Variants in RNLS observed in about 807,000 individuals in gnomAD.
RNLS encodes renalase, FAD dependent amine oxidase, also known as renalase.
RNLS carries 39 observed loss-of-function variants against 39.8 expected under a neutral mutation model. That is an observed-to-expected ratio of 0.98 (90% confidence interval 0.76 to 1.28). RNLS has a LOEUF of 1.28. Among genes scored for constraint, RNLS ranks in the 50% most tolerant of loss-of-function variants. The pLI is 0.00. For synonymous variants in RNLS, 147 were observed against 150.7 expected (o/e 0.98, Z 0.18); for missense variants, 410 against 413.3 (o/e 0.99, Z 0.07).
chr10:88,510,777 G>A (rs997532611), intron 4 of RNLS, among the ~76,000 whole-genome samples: 7 of 151,232 alleles, frequency 4.6e-5, no homozygotes, highest in African/African-American at 1.7e-4. Context: ...AACCCAGAAG[G>A]CAGAGGTTAC....
At chr10:88,191,717 A>G in the RNLS span, among the ~76,000 whole-genome samples, 5 of 152,194 alleles carry the variant, frequency 3.3e-5, no homozygotes, top group African/African-American at 1.2e-4. Context: ...GCTACTCTCA[A>G]TCTTCAAAAT....
At chr10:88,343,507 A>G (rs1415317153) in intron 5 of RNLS, 1 of 913,794 alleles carries the variant, frequency 1.1e-6, no homozygotes, top group Non-Finnish European at 1.3e-6. Context: ...TGATCTTAAC[A>G]TATATATATA....
chr10:88,374,321 T>G (rs989001181), intron 4 of RNLS, among the ~76,000 whole-genome samples: 18 of 152,110 alleles, frequency 1.2e-4, no homozygotes, highest in African/African-American at 4.3e-4. Context: ...AAAGTTCTCC[T>G]TATTAACAAG....
the RNLS span, among the ~76,000 whole-genome samples, chr10:88,174,805 A>T: frequency 0.16 from 24,232 of 152,146 alleles, 2,162 homozygotes; most frequent in Non-Finnish European, 0.2. Flanking sequence ...CTCCTCTTAA[A>T]TTTTTTGGAA....
At chr10:88,296,770 A>G (rs1471201139) in intron 6 of RNLS, among the ~76,000 whole-genome samples, 1 of 152,190 alleles carries the variant, frequency 6.6e-6, no homozygotes, top group African/African-American at 2.4e-5. Context: ...TAGAAATAAC[A>G]GAGAACATTT....
At chr10:88,449,179 A>G (rs1307461454) in intron 4 of RNLS, among the ~76,000 whole-genome samples, 1 of 152,156 alleles carries the variant, frequency 6.6e-6, no homozygotes, top group Non-Finnish European at 1.5e-5. Context: ...ACAAAAAAAC[A>G]CAATGTTTAA....
chr10:88,188,495 A>G, the RNLS span, among the ~76,000 whole-genome samples: 1 of 152,214 alleles, frequency 6.6e-6, no homozygotes, highest in African/African-American at 2.4e-5. Flanking sequence ...CTATTATACT[A>G]CAGGTGATTG....
At chr10:88,348,872 T>C (rs547646462) in intron 5 of RNLS, among the ~76,000 whole-genome samples, 1 of 152,278 alleles carries the variant, frequency 6.6e-6, no homozygotes, top group South Asian at 2.1e-4. Flanking sequence ...CTTCCTGGTT[T>C]TGATCATGAG....
At chr10:88,280,097 C>CCCTCT (rs1040475528), downstream of RNLS, among the ~76,000 whole-genome samples, 1 of 152,098 alleles carries the variant, frequency 6.6e-6, no homozygotes, top group Admixed American at 6.5e-5. Flanking sequence ...ACTCTTCCTC[C>CCCTCT]CCTCTCCTCT....
intron 4 of RNLS, among the ~76,000 whole-genome samples, chr10:88,547,860 G>A (rs1848396629): frequency 6.6e-6 from 1 of 151,944 alleles, no homozygotes; most frequent in African/African-American, 2.4e-5. Flanking sequence ...TGCATACATA[G>A]ATCAAAACAT....
At chr10:88,368,304 T>C (rs1331935176) in intron 4 of RNLS, among the ~76,000 whole-genome samples, 1 of 152,062 alleles carries the variant, frequency 6.6e-6, no homozygotes, top group Non-Finnish European at 1.5e-5. Flanking sequence ...GAAATTACAA[T>C]ATAAAAATAA....
In RNLS at chr10:88,411,522, G is replaced by GT. The variant is rs796642062; in HGVS notation, c.527-48798dup. Among the ~76,000 whole-genome samples the GT allele has an allele frequency of 9.9e-3, 1,405 of 142,124 alleles. 16 individuals are homozygous for GT. Among genetic ancestry groups the GT allele is most frequent in the African/African-American group, 0.029 (1,125 of 39,148 alleles). The allele number at this position is 142,124 out of a possible 152,430, so 93.2% of individuals were successfully genotyped here. ...TGGACTGACTTAAGCCCCATCTTCT[G>GT]TTTTTTTTTTTTCCACTTTTCCAAT... is the stretch of plus-strand genomic sequence containing the variant. On this transcript the variant is annotated intron_variant, in intron 4 of 6. Coordinates refer to ENST00000331772, the MANE Select transcript of RNLS (RefSeq NM_001031709.3).
the RNLS span, among the ~76,000 whole-genome samples, chr10:88,198,988 TG>T: frequency 6.6e-6 from 1 of 152,148 alleles, no homozygotes; most frequent in Non-Finnish European, 1.5e-5. Flanking sequence ...CCTCTCTCCC[TG>T]CACTCATTCC....
At chr10:88,393,031 G>T (rs1265697574) in intron 4 of RNLS, among the ~76,000 whole-genome samples, 2 of 152,266 alleles carry the variant, frequency 1.3e-5, no homozygotes, top group Non-Finnish European at 2.9e-5. Flanking sequence ...AGGTATTGAT[G>T]GAACGTATCT....
chr10:88,475,960 G>C (rs929867795), intron 4 of RNLS, among the ~76,000 whole-genome samples: 3 of 152,082 alleles, frequency 2.0e-5, no homozygotes, highest in Admixed American at 6.6e-5. Flanking sequence ...TAACTCTTTA[G>C]GTAAAGGATC....
intron 4 of RNLS, among the ~76,000 whole-genome samples, chr10:88,366,663 GAAA>G (rs774157650): frequency 3.9e-5 from 1 of 25,832 alleles, no homozygotes; most frequent in East Asian, 1.5e-3. Flanking sequence ...TAAGTTTTCT[GAAA>G]AAAAAAAAAA....
chr10:88,572,265 T>C (rs1051966138), intron 4 of RNLS, among the ~76,000 whole-genome samples: 5 of 152,174 alleles, frequency 3.3e-5, no homozygotes, highest in African/African-American at 1.2e-4. Flanking sequence ...CCACATGTTT[T>C]ATATCAAAAA....
intron 4 of RNLS, among the ~76,000 whole-genome samples, chr10:88,472,168 T>C (rs188344861): frequency 1.1e-3 from 172 of 152,280 alleles, no homozygotes; most frequent in African/African-American, 4.0e-3. Context: ...GTTAACCCCT[T>C]CCTTCCTGCC....
chr10:88,230,423 C>T, the RNLS span, among the ~76,000 whole-genome samples: 3 of 152,130 alleles, frequency 2.0e-5, no homozygotes, highest in Admixed American at 2.0e-4. Flanking sequence ...GAGTCGCCCC[C>T]TCTGCTTCAT....
Sources: gnomAD v4.1 joint callset for allele counts (sites outside exome capture counted in the v4.1 genomes callset) on GRCh38, gnomAD v4.1.1 for gene constraint, MANE v1.5 for transcripts, NCBI Gene and HGNC (gene_info 2026-07-23, HGNC 2026-07-21) for gene names.